Variants in OXTR observed in about 807,000 individuals in gnomAD.
OXTR encodes the protein oxytocin receptor.
Under a neutral mutation model 23.9 loss-of-function variants are expected in OXTR, and 19 were observed. The ratio of observed to expected loss-of-function variants is 0.80; its 90% confidence interval spans 0.56 to 1.17. The LOEUF (loss-of-function observed/expected upper bound fraction) is 1.17, where lower values mean the gene tolerates loss of function less well. Ranked by LOEUF, OXTR falls within the 50% of genes most tolerant of loss-of-function variation. OXTR has a pLI of 0.00. For synonymous variants in OXTR, 278 were observed against 250.5 expected (o/e 1.11, Z -1.04); for missense variants, 500 against 550.7 (o/e 0.91, Z 0.92).
At chr3:8,765,998 C>T (rs138762432) in intron 3 of OXTR, among the ~76,000 whole-genome samples, 1 of 152,292 alleles carries the variant, frequency 6.6e-6, no homozygotes, top group Non-Finnish European at 1.5e-5. Flanking sequence ...GAGATTTCGG[C>T]TTCCCAGGAT....
chr3:8,746,798 C>T (rs1275339284), downstream of OXTR: 1 of 113,670 alleles, frequency 8.8e-6, no homozygotes, highest in African/African-American at 3.7e-5. Context: ...CTCTCTCTCT[C>T]TCACACACAC....
intron 3 of OXTR, among the ~76,000 whole-genome samples, chr3:8,765,903 G>A (rs1280226452): frequency 6.6e-6 from 1 of 152,186 alleles, no homozygotes; most frequent in African/African-American, 2.4e-5. Context: ...TGAGCTAACT[G>A]GGAGGGTTCC....
In OXTR at chr3:8,769,303, T is replaced by G. The variant is rs1708712018; in HGVS notation, c.-311A>C. ...GTTGCACGGCGACTGACGGCCCCAG[T>G]GACGCGTGCGCTCCCGGCCCGAGTT... On this transcript the variant is annotated 5_prime_UTR_variant, in exon 1 of 4. Transcript: ENST00000316793. 1 of 152,406 alleles carries G rather than the reference T, an allele frequency of 6.6e-6. No homozygotes were observed. The highest frequency in any genetic ancestry group is 2.1e-4 in the South Asian group (1 of 4,836). 9.4% of individuals were successfully genotyped at this position (152,406 alleles called of 1,614,324 possible).
At chr3:8,746,037 A>G (rs1166921806), downstream of OXTR, 1 of 602,800 alleles carries the variant, frequency 1.7e-6, no homozygotes, top group East Asian at 2.8e-5. Flanking sequence ...CGGCCCAGCC[A>G]CAGAAGCACA....
At chr3:8,758,012 C>G (rs1708410196) in intron 3 of OXTR, among the ~76,000 whole-genome samples, 2 of 152,030 alleles carry the variant, frequency 1.3e-5, no homozygotes, top group Admixed American at 1.3e-4. Context: ...GAGCTGGGGA[C>G]TAGGGGTGGT....
At chr3:8,763,670 G>A (rs933271913) in intron 3 of OXTR, among the ~76,000 whole-genome samples, 1 of 152,144 alleles carries the variant, frequency 6.6e-6, no homozygotes, top group Non-Finnish European at 1.5e-5. Flanking sequence ...ACCCTGCATG[G>A]GGCATCCAGT....
In OXTR at chr3:8,752,833, C is replaced by T; in HGVS notation, c.*144G>A. ...ATCTTCCATCATGGAGGCCACTCTC[C>T]ACCCCACTGAAGCCACCCCAAGGAG... is the stretch of plus-strand genomic sequence containing the variant. On this transcript the variant is annotated 3_prime_UTR_variant, in exon 4 of 4. Transcript: ENST00000316793. 1.2e-6 allele frequency: 1 copy of T among 838,356 alleles called. No individual in the cohort carries two copies. Among genetic ancestry groups the T allele is most frequent in the Non-Finnish European group, 1.8e-6 (1 of 555,148 alleles). 51.9% of individuals were successfully genotyped at this position (838,356 alleles called of 1,614,324 possible). A position where few individuals can be genotyped will look rare whatever the true frequency, so the allele number is the denominator to read the frequency against.
chr3:8,767,786 G>C lies in OXTR; in HGVS notation c.402C>G (p.Ser134=), dbSNP rs1559681013. The change falls in exon 3 of 4, where the codon TCC becomes TCG. Residue 134 remains serine, a synonymous_variant. Coordinates refer to ENST00000316793, the MANE Select transcript of OXTR (RefSeq NM_000916.4). ...FASTYLLLLM[S]LDRCLAICQP... ...GGCAGATGGCCAGGCAGCGGTCCAGGGACATGAGCAGCAGCAGGTAGGTGG... is the reference window on the plus strand; with the variant it reads ...GGCAGATGGCCAGGCAGCGGTCCAGCGACATGAGCAGCAGCAGGTAGGTGG... The C allele has an allele frequency of 6.2e-7, 1 of 1,607,566 alleles. No homozygotes were observed. Among genetic ancestry groups the C allele is most frequent in the Non-Finnish European group, 8.5e-7 (1 of 1,177,090 alleles).
chr3:8,742,537 G>C, the OXTR span: 1 of 454,874 alleles, frequency 2.2e-6, no homozygotes, highest in African/African-American at 2.0e-5. Context: ...AACTAAGTAG[G>C]CTGGAGAATA....
chr3:8,757,479 G>A (rs1029098000), intron 3 of OXTR, among the ~76,000 whole-genome samples: 7 of 151,748 alleles, frequency 4.6e-5, no homozygotes, highest in African/African-American at 7.3e-5. Context: ...AGAGCCCTCA[G>A]GTTGAATCAC....
intron 3 of OXTR, among the ~76,000 whole-genome samples, chr3:8,758,906 G>A (rs540299698): frequency 3.3e-5 from 5 of 152,298 alleles, no homozygotes; most frequent in African/African-American, 9.6e-5. Flanking sequence ...TGGGCCACAC[G>A]TGTAAAGGCA....
chr3:8,763,921 T>C (rs1344720699), intron 3 of OXTR, among the ~76,000 whole-genome samples: 8 of 152,222 alleles, frequency 5.3e-5, no homozygotes, highest in Admixed American at 5.2e-4. Flanking sequence ...TTTCCTTTTC[T>C]TCTCCCTACT....
the OXTR span, chr3:8,742,366 A>AAAG: frequency 2.9e-6 from 1 of 344,718 alleles, no homozygotes. Context: ...ACACCAAAAA[A>AAAG]AAAAAAAAGA....
At chr3:8,745,909 G>A (rs764757109), downstream of OXTR, 2 of 1,540,746 alleles carry the variant, frequency 1.3e-6, no homozygotes, top group Admixed American at 3.4e-5. This position sits in a 1 kb window ranked among gnomAD's most constrained non-coding sequence, Gnocchi z 4.8. Flanking sequence ...GGGGGTGGTG[G>A]GCCAGACTGG....
downstream of OXTR, among the ~76,000 whole-genome samples, chr3:8,747,042 T>C (rs1283758102): frequency 6.6e-6 from 1 of 151,052 alleles, no homozygotes; most frequent in East Asian, 1.9e-4. Flanking sequence ...CAATCCTATC[T>C]GACCTTTTTT....
Position 8,767,409 on chromosome 3 carries a change from A to T in OXTR, c.779T>A (p.Val260Asp). ...GDGGRVALAR[V>D]SSVKLISKAK... Reference sequence around the variant, plus strand: ...CTTGGAGATGAGCTTGACGCTGCTGACACGCGCCAGGGCCACGCGCCCCCC... The same window carrying T: ...CTTGGAGATGAGCTTGACGCTGCTGTCACGCGCCAGGGCCACGCGCCCCCC... The change falls in exon 3 of 4, where the codon GTC (valine) becomes GAC (aspartate). Residue 260 changes from valine to aspartate, a missense_variant. By Grantham distance (152) the Val-to-Asp change is radical. Transcript: ENST00000316793. The T allele has an allele frequency of 6.2e-7, 1 of 1,611,276 alleles. No individual in the cohort carries two copies. The highest frequency in any genetic ancestry group is 8.5e-7 in the Non-Finnish European group (1 of 1,179,014).
At chr3:8,766,331 G>A (rs899615606) in intron 3 of OXTR, among the ~76,000 whole-genome samples, 13 of 152,126 alleles carry the variant, frequency 8.5e-5, no homozygotes, top group African/African-American at 3.1e-4. Flanking sequence ...AGAGCCCTAG[G>A]GTGCCTCTGT....
chr3:8,745,543 G>C (rs372754279), downstream of OXTR: 1 of 1,614,128 alleles, frequency 6.2e-7, no homozygotes, highest in Non-Finnish European at 8.5e-7. This position sits in a 1 kb window ranked among gnomAD's most constrained non-coding sequence, Gnocchi z 4.8. Context: ...TTGAAGACGT[G>C]ATCGCAGAGC....
the OXTR span, among the ~76,000 whole-genome samples, chr3:8,742,207 AG>A: frequency 2.6e-5 from 4 of 152,136 alleles, no homozygotes; most frequent in African/African-American, 9.7e-5. Context: ...AATCTGAGCT[AG>A]GGGAACAGCT....
Sources: allele counts gnomAD v4.1 joint callset (sites outside exome capture counted in the v4.1 genomes callset), GRCh38; gene constraint gnomAD v4.1.1; non-coding constraint Gnocchi (gnomAD v3.1); transcripts MANE v1.5; gene names NCBI Gene and HGNC (gene_info 2026-07-23, HGNC 2026-07-21).